The following AGAP1 variants were observed in gnomAD, a reference collection of about 807,000 sequenced individuals.
AGAP1 encodes the protein ArfGAP with GTPase domain, ankyrin repeat and PH domain 1.
A neutral mutation model predicts 105.3 loss-of-function variants in AGAP1; 29 were observed. The observed-to-expected ratio is 0.28, with a 90% CI of 0.21 to 0.38. The LOEUF (loss-of-function observed/expected upper bound fraction) is 0.38. AGAP1 is among the 10% of genes least tolerant of loss of function. The pLI, the probability that AGAP1 is intolerant of heterozygous loss-of-function variation, is 1.00. For missense variants in AGAP1, 998 were observed against 1,165.1 expected, an observed-to-expected ratio of 0.86 and a Z score of 2.09; for synonymous variants, 509 against 485.9, an observed-to-expected ratio of 1.05 and a Z score of -0.63.
At position 235,730,476 on chromosome 2, in the gene AGAP1, T is replaced by TA. The variant is rs1399728207; in HGVS notation, c.311-10487_311-10486insA. Among the ~76,000 whole-genome samples the TA allele has an allele frequency of 5.9e-3, 482 of 81,344 alleles. 4 individuals are homozygous for TA. The highest frequency in any genetic ancestry group is 0.019 in the South Asian group (38 of 2,002). 53.4% of individuals were successfully genotyped at this position (81,344 alleles called of 152,430 possible). ...TTTGCAATGCTCTTTTGTTTACCTTTTAAAAAAAAAAAAAAAAAAAAACGA... is the reference window on the plus strand; with the variant it reads ...TTTGCAATGCTCTTTTGTTTACCTTTATAAAAAAAAAAAAAAAAAAAAACGA... On this transcript the variant is annotated intron_variant, in intron 3 of 17. Transcript: ENST00000304032.
At chr2:235,592,273 G>A (rs937592702) in intron 1 of AGAP1, among the ~76,000 whole-genome samples, 5 of 152,186 alleles carry the variant, frequency 3.3e-5, no homozygotes, top group East Asian at 1.9e-4. Context: ...TGGGCACCAC[G>A]CGCCAGAAGG....
At chr2:236,070,222 G>C (rs1332202465) in intron 16 of AGAP1, among the ~76,000 whole-genome samples, 1 of 152,250 alleles carries the variant, frequency 6.6e-6, no homozygotes, top group Admixed American at 6.5e-5. Context: ...TTTGTTCCCA[G>C]TTTGCTCTTG....
chr2:236,099,532 TCACC>T (rs1277326943), intron 16 of AGAP1, among the ~76,000 whole-genome samples: 1 of 152,150 alleles, frequency 6.6e-6, no homozygotes, highest in Non-Finnish European at 1.5e-5. Context: ...TCATTTGCTG[TCACC>T]ATCCTTTCAA....
At position 235,970,193 on chromosome 2, in the gene AGAP1, G is replaced by A. The variant is rs2054582536; in HGVS notation, c.1645+1570G>A. 7.3e-6 allele frequency among the ~76,000 whole-genome samples: 1 copy of A among 137,738 alleles called. No individual in the cohort carries two copies. Among genetic ancestry groups the A allele is most frequent in the Admixed American group, 7.4e-5 (1 of 13,524 alleles). 90.4% of individuals were successfully genotyped at this position (137,738 alleles called of 152,430 possible). A position where few individuals can be genotyped will look rare whatever the true frequency, so the allele number is the denominator to read the frequency against. The stretch of plus-strand genomic sequence containing the variant: ...CTCCAGCCTGGGCGGGCGACAGAGT[G>A]AGACTCTGTCTTTAAAAAAAAAAAA... On this transcript the variant is annotated intron_variant, in intron 13 of 17. Transcript: ENST00000304032. The surrounding 1 kb of genome is among the most constrained non-coding windows in gnomAD (Gnocchi z 5.4).
At chr2:235,828,162 C>T (rs1959167438) in intron 9 of AGAP1, among the ~76,000 whole-genome samples, 1 of 152,152 alleles carries the variant, frequency 6.6e-6, no homozygotes. Flanking sequence ...ATTCGAGTAT[C>T]TTTCTTGGCT....
rs71423690 is a variant in AGAP1 at position 235,609,266 on chromosome 2, A to G, written c.164-99913A>G. ...GCTGTGGGAACATAAGGAAAAGCAG[A>G]TGTGGCCACTGGTGCTTGGAAGAGA... On this transcript the variant is annotated intron_variant, in intron 1 of 17. Transcript: ENST00000304032. The surrounding 1 kb of genome is among the most constrained non-coding windows in gnomAD (Gnocchi z 5.1). Among the ~76,000 whole-genome samples, 1,830 of 152,250 alleles carry G rather than the reference A, an allele frequency of 0.012. 23 individuals carry two copies. The highest frequency in any genetic ancestry group is 0.058 in the Middle Eastern group (17 of 294).
At chr2:236,013,697 C>T (rs1016922371) in intron 13 of AGAP1, among the ~76,000 whole-genome samples, 1 of 152,168 alleles carries the variant, frequency 6.6e-6, no homozygotes, top group African/African-American at 2.4e-5. Flanking sequence ...GAGAGACAGA[C>T]GGTCCTGTGA....
At chr2:235,651,327 A>G (rs779779672) in intron 1 of AGAP1, among the ~76,000 whole-genome samples, 1 of 151,966 alleles carries the variant, frequency 6.6e-6, no homozygotes, top group African/African-American at 2.4e-5. Context: ...TGAGAAAACG[A>G]TCTGCCAGAT....
At position 235,692,802 on chromosome 2, in the gene AGAP1, C is replaced by T. The variant is rs1291683505; in HGVS notation, c.164-16377C>T. On this transcript the variant is annotated intron_variant, in intron 1 of 17. Coordinates refer to ENST00000304032, the MANE Select transcript of AGAP1 (RefSeq NM_001037131.3). This position sits in a 1 kb window ranked among gnomAD's most constrained non-coding sequence, Gnocchi z 5.8. Reference sequence around the variant, plus strand: ...TTGCGGTGGACTTGCTGGTCGGCTGCTCTGCTGATTCTCGAAGGCGGAGTC... The same window carrying T: ...TTGCGGTGGACTTGCTGGTCGGCTGTTCTGCTGATTCTCGAAGGCGGAGTC... 1.3e-5 allele frequency among the ~76,000 whole-genome samples: 2 copies of T among 152,212 alleles called. No homozygotes were observed. Among genetic ancestry groups the T allele is most frequent in the African/African-American group, 4.8e-5 (2 of 41,454 alleles).
At position 235,659,342 on chromosome 2, in the gene AGAP1, C is replaced by T. The variant is rs929248011; in HGVS notation, c.164-49837C>T. Among the ~76,000 whole-genome samples the T allele has an allele frequency of 1.5e-4, 23 of 152,200 alleles. No individual in the cohort carries two copies. The highest frequency in any genetic ancestry group is 4.6e-4 in the African/African-American group (19 of 41,454). The stretch of plus-strand genomic sequence containing the variant: ...GGGTAGAATGGATGAACTGAATTAA[C>T]GTCTGAAGTGCCACAGTGTTGTATC... On this transcript the variant is annotated intron_variant, in intron 1 of 17. Transcript: ENST00000304032. This position sits in a 1 kb window ranked among gnomAD's most constrained non-coding sequence, Gnocchi z 5.0.
In AGAP1 at chr2:236,009,805, A is replaced by G. The variant is rs2056448860; in HGVS notation, c.1646-26756A>G. 2.0e-5 allele frequency among the ~76,000 whole-genome samples: 3 copies of G among 152,230 alleles called. No individual in the cohort carries two copies. On this transcript the variant is annotated intron_variant, in intron 13 of 17. Coordinates refer to ENST00000304032, the MANE Select transcript of AGAP1 (RefSeq NM_001037131.3). The surrounding 1 kb of genome is among the most constrained non-coding windows in gnomAD (Gnocchi z 4.2). ...ATTCATGCACACTTGGACGTCCAAC[A>G]TGGCTGACGCGCCTTGGACACACAG...
chr2:236,101,651 C>G lies in AGAP1; in HGVS notation c.2115-18541C>G, dbSNP rs2125906411. On this transcript the variant is annotated intron_variant, in intron 16 of 17. Transcript: ENST00000304032. This position sits in a 1 kb window ranked among gnomAD's most constrained non-coding sequence, Gnocchi z 4.9. ...GGAGGAAAAGGGCCATTTCTCTTCC[C>G]TTATCTGTTTATGATGCGATATGTT... 6.6e-6 allele frequency among the ~76,000 whole-genome samples: 1 copy of G among 152,290 alleles called. No homozygotes were observed.
intron 3 of AGAP1, among the ~76,000 whole-genome samples, chr2:235,738,717 C>G (rs1045178308): frequency 2.1e-4 from 32 of 152,038 alleles, no homozygotes; most frequent in African/African-American, 7.7e-4. Flanking sequence ...ACCACCACAC[C>G]TGGCTAATTT....
intron 16 of AGAP1, among the ~76,000 whole-genome samples, chr2:236,065,154 G>T (rs148747462): frequency 6.6e-6 from 1 of 152,310 alleles, no homozygotes; most frequent in South Asian, 2.1e-4. Context: ...CACGGGCTTC[G>T]TCAAAACCTC....
At chr2:235,695,383 C>T (rs1949948984) in intron 1 of AGAP1, among the ~76,000 whole-genome samples, 1 of 152,200 alleles carries the variant, frequency 6.6e-6, no homozygotes, top group Admixed American at 6.5e-5. Flanking sequence ...CAATCCCCTA[C>T]CCCCGTCCCT....
Position 235,919,256 on chromosome 2 carries a change from G to C in AGAP1, c.1324+10350G>C, listed in dbSNP as rs2052052483. ...TCTGGTTCTTCCAGGCTAGAGTTGA[G>C]TCCGTGGCTTCCCTGCTTCCTGCAG... On this transcript the variant is annotated intron_variant, in intron 11 of 17. Coordinates refer to ENST00000304032, the MANE Select transcript of AGAP1 (RefSeq NM_001037131.3). This position sits in a 1 kb window ranked among gnomAD's most constrained non-coding sequence, Gnocchi z 4.1. 6.6e-6 allele frequency among the ~76,000 whole-genome samples: 1 copy of C among 152,216 alleles called. No homozygotes were observed. Among genetic ancestry groups the C allele is most frequent in the African/African-American group, 2.4e-5 (1 of 41,454 alleles).
At position 235,906,573 on chromosome 2, in the gene AGAP1, G is replaced by A. The variant is rs996827209; in HGVS notation, c.1156-2165G>A. ...TTCTCCTCCCGCCCGTCCTGCCGTT[G>A]AGAATTCCTGCACCCTTTTCCCTTG... is the stretch of plus-strand genomic sequence containing the variant. On this transcript the variant is annotated intron_variant, in intron 10 of 17. Coordinates refer to ENST00000304032, the MANE Select transcript of AGAP1 (RefSeq NM_001037131.3). The surrounding 1 kb of genome is among the most constrained non-coding windows in gnomAD (Gnocchi z 5.3). 5.3e-5 allele frequency among the ~76,000 whole-genome samples: 8 copies of A among 152,142 alleles called. No individual in the cohort carries two copies. Among genetic ancestry groups the A allele is most frequent in the Non-Finnish European group, 1.0e-4 (7 of 68,032 alleles).
rs1454791586 is a variant in AGAP1, at chr2:235,732,332, G to A, written c.311-8631G>A. 6.6e-6 allele frequency among the ~76,000 whole-genome samples: 1 copy of A among 152,142 alleles called. No homozygotes were observed. The highest frequency in any genetic ancestry group is 6.5e-5 in the Admixed American group (1 of 15,278). ...TGTCAGAAACTCAGCTTTCAGCCTTGTCTCTTCTGCTCCTTACTTTTTCTA... is the reference window on the plus strand; with the variant it reads ...TGTCAGAAACTCAGCTTTCAGCCTTATCTCTTCTGCTCCTTACTTTTTCTA... On this transcript the variant is annotated intron_variant, in intron 3 of 17. Coordinates refer to ENST00000304032, the MANE Select transcript of AGAP1 (RefSeq NM_001037131.3). This position sits in a 1 kb window ranked among gnomAD's most constrained non-coding sequence, Gnocchi z 4.8.
rs1392749480 is a variant in AGAP1, at chr2:236,061,967, C to T, written c.2114+12686C>T. Reference sequence around the variant, plus strand: ...CAGCTGGAGCAAAGGTGCAGGCGTACAGGAACGCATGCTGGGTGGCGGGGG... The same window carrying T: ...CAGCTGGAGCAAAGGTGCAGGCGTATAGGAACGCATGCTGGGTGGCGGGGG... On this transcript the variant is annotated intron_variant, in intron 16 of 17. Transcript: ENST00000304032. The surrounding 1 kb of genome is among the most constrained non-coding windows in gnomAD (Gnocchi z 4.1). Among the ~76,000 whole-genome samples, 1 of 151,652 alleles carries T rather than the reference C, an allele frequency of 6.6e-6. No individual in the cohort carries two copies. The highest frequency in any genetic ancestry group is 1.5e-5 in the Non-Finnish European group (1 of 67,996).
Sources: allele counts gnomAD v4.1 joint callset (sites outside exome capture counted in the v4.1 genomes callset), GRCh38; gene constraint gnomAD v4.1.1; non-coding constraint Gnocchi (gnomAD v3.1); transcripts MANE v1.5; gene names NCBI Gene and HGNC (gene_info 2026-07-23, HGNC 2026-07-21).